The following PCDHGA4 variants were observed in gnomAD, a reference collection of about 807,000 sequenced individuals.
PCDHGA4 encodes the protein protocadherin gamma-A4.
A neutral mutation model predicts 54.6 loss-of-function variants in PCDHGA4; 38 were observed. That is an observed-to-expected ratio of 0.70 (90% CI 0.54 to 0.91). The LOEUF (loss-of-function observed/expected upper bound fraction) is 0.91, where lower values mean the gene tolerates loss of function less well. Among genes scored for constraint, PCDHGA4 ranks in the 40% least tolerant of loss-of-function variants. The pLI, the probability that PCDHGA4 is intolerant of heterozygous loss-of-function variation, is 0.00. For synonymous variants in PCDHGA4, 511 were observed against 512.9 expected, an observed-to-expected ratio of 1.00 and a Z score of 0.05; for missense variants, 1,298 against 1,220.9, an observed-to-expected ratio of 1.06 and a Z score of -0.94.
At chr5:141,363,080 T>C (rs553480697) in intron 1 of PCDHGA4, among the ~76,000 whole-genome samples, 1 of 152,380 alleles carries the variant, frequency 6.6e-6, no homozygotes, top group African/African-American at 2.4e-5. Context: ...GAATCACAAA[T>C]GTATTTCTAA....
chr5:141,394,946 T>A (rs759854662), intron 1 of PCDHGA4: 1 of 1,613,768 alleles, frequency 6.2e-7, no homozygotes, highest in East Asian at 2.2e-5. Flanking sequence ...TCGCTGTGCT[T>A]CTGGGGCTCA....
rs1050545030 is a variant in PCDHGA4, at chr5:141,410,711, A to G, written c.2514+53090A>G. The G allele has an allele frequency of 4.2e-6, 6 of 1,436,568 alleles. No individual in the cohort carries two copies. In the African/African-American group the frequency reaches 7.6e-5, roughly 18 times the overall value. The allele number at this position is 1,436,568 out of a possible 1,614,324, so 89.0% of individuals were successfully genotyped here. A position where few individuals can be genotyped will look rare whatever the true frequency, so the allele number is the denominator to read the frequency against. ...CTACTTTATTTTCATATCTAGAATC[A>G]TATGTTTAAAATCCATAGCTTTTTA... On this transcript the variant is annotated intron_variant, in intron 1 of 3. Transcript: ENST00000571252.
intron 1 of PCDHGA4, chr5:141,388,897 A>G (rs768114504): frequency 6.2e-7 from 1 of 1,613,994 alleles, no homozygotes; most frequent in Non-Finnish European, 8.5e-7. Context: ...GTCATAGATG[A>G]AAATGACAAC....
At chr5:141,375,308 G>T (rs761294258) in intron 1 of PCDHGA4, 24 of 1,613,722 alleles carry the variant, frequency 1.5e-5, no homozygotes, top group Non-Finnish European at 8.5e-7. Flanking sequence ...GACAAATGCA[G>T]CTCTAGACCG....
At chr5:141,383,580 C>A (rs935361844) in intron 1 of PCDHGA4, 1 of 1,613,642 alleles carries the variant, frequency 6.2e-7, no homozygotes, top group South Asian at 1.1e-5. Context: ...GCACCGCCCA[C>A]ATCCAGGTGA....
chr5:141,402,895 A>G, intron 1 of PCDHGA4: 1 of 1,505,744 alleles, frequency 6.6e-7, no homozygotes, highest in South Asian at 1.4e-5. Context: ...GGAAGAAAGA[A>G]CCTGATGAAG....
intron 1 of PCDHGA4, chr5:141,376,292 G>T: frequency 6.2e-7 from 1 of 1,614,156 alleles, no homozygotes; most frequent in Non-Finnish European, 8.5e-7. Flanking sequence ...GAGCATGCCC[G>T]GCTCGCACTT....
rs1208504589 is a variant in PCDHGA4, at chr5:141,431,631, T to C, written c.2515-63176T>C. On this transcript the variant is annotated intron_variant, in intron 1 of 3. Coordinates refer to ENST00000571252, the MANE Select transcript of PCDHGA4 (RefSeq NM_018917.4). The surrounding 1 kb of genome is among the most constrained non-coding windows in gnomAD (Gnocchi z 4.8). ...TATGTGGACGACAAGGCGGCCCAAG[T>C]TTTCAAACTAGATTGTAATTCAGGG... The C allele has an allele frequency of 6.2e-6, 10 of 1,614,132 alleles. No individual in the cohort carries two copies. Among genetic ancestry groups the C allele is most frequent in the Non-Finnish European group, 8.5e-6 (10 of 1,180,016 alleles).
chr5:141,413,630 C>T (rs746896115), intron 1 of PCDHGA4: 2 of 1,613,692 alleles, frequency 1.2e-6, no homozygotes, highest in Admixed American at 3.3e-5. Flanking sequence ...AATGTCGCTG[C>T]GGGAATGCGT....
Position 141,356,841 on chromosome 5 carries a change from A to G in PCDHGA4, c.1734A>G (p.Ser578=). ...ACCCTCCACTCAGCAGCAATGTGTC[A>G]CTGAGCCTCTTTGTGCTGGACCAGA... is the stretch of plus-strand genomic sequence containing the variant. ...SGDPPLSSNV[S]LSLFVLDQND... The change falls in exon 1 of 4, where the codon TCA becomes TCG. Residue 578 remains serine, a synonymous_variant. Transcript: ENST00000571252. The G allele has an allele frequency of 3.1e-6, 5 of 1,614,138 alleles. No individual in the cohort carries two copies. The highest frequency in any genetic ancestry group is 4.2e-6 in the Non-Finnish European group (5 of 1,180,006).
At chr5:141,501,206 A>G (rs977574347) in intron 2 of PCDHGA4, among the ~76,000 whole-genome samples, 22 of 151,674 alleles carry the variant, frequency 1.5e-4, no homozygotes, top group African/African-American at 5.3e-4. Context: ...GGGTGTTGTC[A>G]GGGTGACTTC....
intron 2 of PCDHGA4, among the ~76,000 whole-genome samples, chr5:141,499,102 C>T (rs1172661012): frequency 1.3e-5 from 2 of 152,170 alleles, no homozygotes; most frequent in Admixed American, 6.5e-5. Context: ...TGCTTCTCCT[C>T]CCCACCACTA....
chr5:141,423,720 A>G, intron 1 of PCDHGA4: 1 of 957,774 alleles, frequency 1.0e-6, no homozygotes, highest in East Asian at 6.0e-5. Flanking sequence ...TTTTAAGGAG[A>G]TGTTTTTTGA....
chr5:141,423,006 T>A, intron 1 of PCDHGA4: 2 of 1,614,198 alleles, frequency 1.2e-6, no homozygotes, highest in Non-Finnish European at 1.7e-6. Context: ...CCAAGGTGGT[T>A]GCGGTGGACA....
At chr5:141,381,475 GA>G (rs1777221405) in intron 1 of PCDHGA4, among the ~76,000 whole-genome samples, 1 of 152,226 alleles carries the variant, frequency 6.6e-6, no homozygotes, top group African/African-American at 2.4e-5. Context: ...GCTGTCTAGA[GA>G]TCCCTGTTTT....
chr5:141,393,794 T>C, intron 1 of PCDHGA4: 1 of 1,613,934 alleles, frequency 6.2e-7, no homozygotes, highest in South Asian at 1.1e-5. Flanking sequence ...TGGGGGCACT[T>C]CTGGGGAGGA....
intron 1 of PCDHGA4, chr5:141,404,997 C>A (rs2154535986): frequency 6.2e-7 from 1 of 1,614,034 alleles, no homozygotes; most frequent in East Asian, 2.2e-5. Context: ...CAGATCCCTG[C>A]AGACCTGGAG....
intron 1 of PCDHGA4, chr5:141,389,726 C>A: frequency 6.2e-7 from 1 of 1,612,720 alleles, no homozygotes; most frequent in South Asian, 1.1e-5. Flanking sequence ...AGCCCGGGCT[C>A]TTCAGCCTGG....
chr5:141,486,146 G>T lies in PCDHGA4; in HGVS notation c.2515-8661G>T. Reference sequence around the variant, plus strand: ...TGAATTTGATGTGCGGGCTCGCGATGGGGGTTCTCCAGCCATGGAGCAACA... The same window carrying T: ...TGAATTTGATGTGCGGGCTCGCGATTGGGGTTCTCCAGCCATGGAGCAACA... On this transcript the variant is annotated intron_variant, in intron 1 of 3. Transcript: ENST00000571252. The surrounding 1 kb of genome is among the most constrained non-coding windows in gnomAD (Gnocchi z 5.0). 6.2e-7 allele frequency: 1 copy of T among 1,614,184 alleles called. No homozygotes were observed. The highest frequency in any genetic ancestry group is 8.5e-7 in the Non-Finnish European group (1 of 1,180,032).
Sources: gnomAD v4.1 joint callset for allele counts (sites outside exome capture counted in the v4.1 genomes callset) on GRCh38, gnomAD v4.1.1 for gene constraint, Gnocchi (gnomAD v3.1) non-coding constraint, MANE v1.5 for transcripts, NCBI Gene and HGNC (gene_info 2026-07-23, HGNC 2026-07-21) for gene names.